The following MLLT3 variants were observed in gnomAD, a reference collection of about 807,000 sequenced individuals.
MLLT3 encodes the protein MLLT3 super elongation complex subunit.
In MLLT3, 4 loss-of-function variants were observed where a neutral mutation model predicts 53.2. That is an observed-to-expected ratio of 0.08 (90% CI 0.04 to 0.17). The LOEUF (loss-of-function observed/expected upper bound fraction) is 0.17, where lower values mean the gene tolerates loss of function less well. MLLT3 is among the 10% of genes least tolerant of loss of function. The pLI is 1.00. For missense variants in MLLT3, 569 were observed against 684.0 expected, an observed-to-expected ratio of 0.83 and a Z score of 1.87; for synonymous variants, 283 against 230.6, an observed-to-expected ratio of 1.23 and a Z score of -2.06.
intron 5 of MLLT3, among the ~76,000 whole-genome samples, chr9:20,393,353 C>T (rs764163530): frequency 3.3e-5 from 5 of 152,138 alleles, no homozygotes; most frequent in Non-Finnish European, 5.9e-5. Flanking sequence ...ACTTACCAAT[C>T]GGCAATTTCT....
chr9:20,620,691 G>A lies in MLLT3; in HGVS notation c.156C>T (p.Val52=). ...SNIQHFVEKV[V]FHLHESFPRP... is the part of the protein sequence containing the mutation. ...TAGGAAAGCTTTCGTGCAAGTGGAA[G>A]ACGACTTTCTCCACAAAGTGCTGTA... The change falls in exon 2 of 11, where the codon GTC becomes GTT. Residue 52 remains valine, a synonymous_variant. Coordinates refer to ENST00000380338, the MANE Select transcript of MLLT3 (RefSeq NM_004529.4). This position sits in a 1 kb window ranked among gnomAD's most constrained non-coding sequence, Gnocchi z 6.1. The A allele has an allele frequency of 7.4e-6, 12 of 1,614,120 alleles. No individual in the cohort carries two copies. Among genetic ancestry groups the A allele is most frequent in the Non-Finnish European group, 1.0e-5 (12 of 1,180,010 alleles).
intron 2 of MLLT3, among the ~76,000 whole-genome samples, chr9:20,595,977 A>G (rs1218598781): frequency 2.0e-5 from 3 of 152,206 alleles, no homozygotes; most frequent in Admixed American, 2.0e-4. Flanking sequence ...ATTTTAAATA[A>G]TTTAAATTTT....
intron 5 of MLLT3, among the ~76,000 whole-genome samples, chr9:20,385,474 TCTGTAC>T (rs1038669690): frequency 1.9e-4 from 29 of 152,156 alleles, no homozygotes; most frequent in African/African-American, 6.3e-4. Context: ...ATAAAACAAT[TCTGTAC>T]CTTTCAAAAA....
chr9:20,361,056 C>A (rs189305101), intron 7 of MLLT3, among the ~76,000 whole-genome samples: 11 of 152,334 alleles, frequency 7.2e-5, no homozygotes, highest in Middle Eastern at 3.4e-3. Context: ...TCCTGTTTCA[C>A]AGACGAGTAA....
At chr9:20,423,014 C>T (rs1823052072) in intron 4 of MLLT3, among the ~76,000 whole-genome samples, 1 of 152,122 alleles carries the variant, frequency 6.6e-6, no homozygotes, top group Non-Finnish European at 1.5e-5. Context: ...TGCCCAAAGA[C>T]ACATATATAA....
intron 2 of MLLT3, among the ~76,000 whole-genome samples, chr9:20,458,579 T>C (rs1824028837): frequency 6.6e-6 from 1 of 152,272 alleles, no homozygotes; most frequent in East Asian, 1.9e-4. Context: ...GGAAACCTCA[T>C]GAATGGGATT....
intron 3 of MLLT3, among the ~76,000 whole-genome samples, chr9:20,450,136 T>G (rs1823804134): frequency 6.6e-6 from 1 of 152,226 alleles, no homozygotes; most frequent in Non-Finnish European, 1.5e-5. Flanking sequence ...TTGCCAAGGT[T>G]AAATTACACA....
At chr9:20,526,952 G>A (rs1483930897) in intron 2 of MLLT3, among the ~76,000 whole-genome samples, 1 of 152,168 alleles carries the variant, frequency 6.6e-6, no homozygotes, top group East Asian at 1.9e-4. Flanking sequence ...GTCTGTTGAA[G>A]TCTTTCATTC....
At chr9:20,392,115 TC>T (rs983461304) in intron 5 of MLLT3, among the ~76,000 whole-genome samples, 1 of 152,194 alleles carries the variant, frequency 6.6e-6, no homozygotes, top group African/African-American at 2.4e-5. Flanking sequence ...CCTCCTGAGC[TC>T]CCTGAGTTAC....
At chr9:20,504,959 A>T (rs1176324361) in intron 2 of MLLT3, among the ~76,000 whole-genome samples, 1 of 152,210 alleles carries the variant, frequency 6.6e-6, no homozygotes, top group Non-Finnish European at 1.5e-5. Flanking sequence ...GGTTTGACGG[A>T]AAGGAGCCCA....
At chr9:20,615,292 G>C (rs1045873157) in intron 2 of MLLT3, among the ~76,000 whole-genome samples, 1 of 138,484 alleles carries the variant, frequency 7.2e-6, no homozygotes, top group African/African-American at 2.6e-5. Flanking sequence ...GAGTCCAGGA[G>C]ATGGAGGTTG....
chr9:20,418,198 T>C (rs1433075464), intron 4 of MLLT3: 2 of 152,172 alleles, frequency 1.3e-5, no homozygotes, highest in Non-Finnish European at 2.9e-5. Flanking sequence ...GTTATGCATA[T>C]GTAGGGGTAG....
rs571501755 is a variant in MLLT3 at position 20,448,393 on chromosome 9, T to C, written c.277-127A>G. ...ACATCTAACAGCTAAACTGTCAAAG[T>C]AGTACTGGGAAAAAAAAAAGTATCA... On this transcript the variant is annotated intron_variant, in intron 3 of 10. Transcript: ENST00000380338. This position sits in a 1 kb window ranked among gnomAD's most constrained non-coding sequence, Gnocchi z 4.0. The C allele has an allele frequency of 2.3e-4, 170 of 749,030 alleles. No homozygotes were observed. Among genetic ancestry groups the C allele is most frequent in the Non-Finnish European group, 3.4e-4 (165 of 484,634 alleles). 46.4% of individuals were successfully genotyped at this position (749,030 alleles called of 1,614,324 possible).
chr9:20,605,803 A>C (rs368013669), intron 2 of MLLT3, among the ~76,000 whole-genome samples: 1 of 152,122 alleles, frequency 6.6e-6, no homozygotes. Flanking sequence ...TATGAGTCCT[A>C]TATCATCATT....
At chr9:20,618,892 T>C (rs1369875076) in intron 2 of MLLT3, among the ~76,000 whole-genome samples, 1 of 152,234 alleles carries the variant, frequency 6.6e-6, no homozygotes. Context: ...CTAAACAAAG[T>C]TACCTTAAGA....
At chr9:20,581,446 G>C (rs1471538447) in intron 2 of MLLT3, among the ~76,000 whole-genome samples, 6 of 152,030 alleles carry the variant, frequency 3.9e-5, no homozygotes, top group Admixed American at 6.6e-5. Flanking sequence ...ATTAAATCAG[G>C]AGTTCTAAGA....
At chr9:20,416,921 C>A (rs1222265257) in intron 4 of MLLT3, among the ~76,000 whole-genome samples, 1 of 152,152 alleles carries the variant, frequency 6.6e-6, no homozygotes, top group Non-Finnish European at 1.5e-5. Flanking sequence ...TCACCAGTCT[C>A]CATGTTTGTT....
intron 2 of MLLT3, among the ~76,000 whole-genome samples, chr9:20,474,338 G>C (rs1039600818): frequency 1.3e-5 from 2 of 152,074 alleles, no homozygotes; most frequent in East Asian, 1.9e-4. Flanking sequence ...CTGGAAATTA[G>C]CTTGTGTAGA....
intron 8 of MLLT3, among the ~76,000 whole-genome samples, chr9:20,355,907 A>C (rs1821160139): frequency 6.6e-6 from 1 of 152,194 alleles, no homozygotes; most frequent in Non-Finnish European, 1.5e-5. Context: ...CAAGTTTACC[A>C]CATTCCGTAA....
Sources: allele counts gnomAD v4.1 joint callset (sites outside exome capture counted in the v4.1 genomes callset), GRCh38; gene constraint gnomAD v4.1.1; non-coding constraint Gnocchi (gnomAD v3.1); transcripts MANE v1.5; gene names NCBI Gene and HGNC (gene_info 2026-07-23, HGNC 2026-07-21).